The following SCAP variants were observed in gnomAD, a reference collection of about 807,000 sequenced individuals.
SCAP encodes SREBF chaperone, also known as sterol regulatory element-binding protein cleavage-activating protein.
A neutral mutation model predicts 123.6 loss-of-function variants in SCAP; 65 were observed. The observed-to-expected ratio is 0.53, with a 90% CI of 0.43 to 0.65. The LOEUF (loss-of-function observed/expected upper bound fraction) is 0.65. Ranked by LOEUF, SCAP falls within the 30% of genes least tolerant of loss-of-function variation. The pLI is 0.00. For missense variants in SCAP, 1,398 were observed against 1,712.5 expected (o/e 0.82, Z 3.24); for synonymous variants, 740 against 726.3 (o/e 1.02, Z -0.30).
chr3:47,474,492 AT>A (rs2108045298), intron 1 of SCAP, among the ~76,000 whole-genome samples: 1 of 152,030 alleles, frequency 6.6e-6, no homozygotes, highest in South Asian at 2.1e-4. Flanking sequence ...ATTAACACAC[AT>A]TTTAAAAGAT....
chr3:47,432,172 C>T (rs1232560804), intron 3 of SCAP, among the ~76,000 whole-genome samples: 1 of 151,862 alleles, frequency 6.6e-6, no homozygotes, highest in African/African-American at 2.4e-5. Context: ...AAAAAATTAG[C>T]CAGGCGTGGT....
rs772712801 is a variant in SCAP at position 47,414,863 on chromosome 3, C to T, written c.3270G>A (p.Gly1090=). Residue 1090 remains glycine (G), a synonymous_variant, in exon 20 of 23, where the codon GGG becomes GGA. Transcript: ENST00000265565. ...KPITALKAAA[G]RLVTGSQDHT... ...GGTCTTGGCTCCCAGTCACCAAGCG[C>T]CCAGCAGCGGCTTTCAGGGCTGTGA... 6.2e-7 allele frequency: 1 copy of T among 1,611,252 alleles called. No homozygotes were observed. The highest frequency in any genetic ancestry group is 1.1e-5 in the South Asian group (1 of 90,806).
chr3:47,418,296 A>G, intron 15 of SCAP, 25 bp downstream of exon 15: 2 of 1,552,306 alleles, frequency 1.3e-6, no homozygotes, highest in Non-Finnish European at 1.7e-6. Context: ...GCCCTCCCCT[A>G]CCCGGCCACT....
At chr3:47,438,912 G>GT (rs1234293957) in intron 2 of SCAP, among the ~76,000 whole-genome samples, 3 of 152,040 alleles carry the variant, frequency 2.0e-5, no homozygotes, top group Non-Finnish European at 4.4e-5. Flanking sequence ...GACTATACAT[G>GT]TTTTTGGATT....
At chr3:47,454,338 C>G (rs1042519230) in intron 1 of SCAP, among the ~76,000 whole-genome samples, 6 of 150,934 alleles carry the variant, frequency 4.0e-5, no homozygotes, top group Admixed American at 1.3e-4. Context: ...ACTGCACTCC[C>G]ATCTGGGCGA....
Position 47,418,796 on chromosome 3 carries a change from G to C in SCAP, c.1988C>G (p.Pro663Arg), listed in dbSNP as rs778749312. The change falls in exon 14 of 23, where the codon CCG becomes CGG. Residue 663 changes from proline (P) to arginine (R), a missense_variant. By Grantham distance (103) the Pro-to-Arg change is moderately radical. This residue lies in a region of SCAP where 828 missense variants were observed against 882.5 expected (regional missense o/e 0.94). Coordinates refer to ENST00000265565, the MANE Select transcript of SCAP (RefSeq NM_012235.4). The stretch of plus-strand genomic sequence containing the variant: ...GTGCCGGCCCTCCAGAGCCTCCCTC[G>C]GGTTCAGGCGGAGCGTGACTGGGAT... ...PVIPVTLRLNPREALEGRHPQ... is the reference protein window; with the variant it reads ...PVIPVTLRLNRREALEGRHPQ... 5 of 1,553,118 alleles carry C rather than the reference G, an allele frequency of 3.2e-6. No homozygotes were observed. Among genetic ancestry groups the C allele is most frequent in the Non-Finnish European group, 4.3e-6 (5 of 1,154,056 alleles).
rs531606363 is a variant in SCAP at position 47,417,577 on chromosome 3, C to T, written c.2697G>A (p.Ala899=). The change falls in exon 17 of 23, where the codon GCG becomes GCA. Residue 899 remains alanine, a synonymous_variant. Coordinates refer to ENST00000265565, the MANE Select transcript of SCAP (RefSeq NM_012235.4). ...GGGAGTCCCGAGAGCGGCCACAGAC[C>T]GCCCGGTGCCGGGGCTCGGGCTGAG... ...QPTQPEPRHR[A]VCGRSRDSPG... is the part of the protein sequence containing the mutation. 6.2e-5 allele frequency: 98 copies of T among 1,590,510 alleles called. No homozygotes were observed. The highest frequency in any genetic ancestry group is 3.6e-4 in the East Asian group (16 of 43,970).
intron 3 of SCAP, among the ~76,000 whole-genome samples, chr3:47,434,081 T>C (rs1239535687): frequency 1.3e-5 from 2 of 152,178 alleles, no homozygotes; most frequent in African/African-American, 2.4e-5. Flanking sequence ...ACTGACACCA[T>C]GTATAGTTGT....
At chr3:47,467,026 G>A (rs1453540892) in intron 1 of SCAP, among the ~76,000 whole-genome samples, 1 of 151,818 alleles carries the variant, frequency 6.6e-6, no homozygotes, top group African/African-American at 2.4e-5. Context: ...CCAGGAAGTG[G>A]AGGCTGCAAT....
rs1576268465 is a variant in SCAP at position 47,427,474 on chromosome 3, T to C, written c.604A>G (p.Thr202Ala). The change falls in exon 5 of 23, where the codon ACC becomes GCC. Residue 202 changes from threonine (T) to alanine (A), a missense_variant. Around this residue, in one of 7 missense-constraint regions of SCAP, gnomAD observed 319 missense variants for 432.4 expected, o/e 0.74. Transcript: ENST00000265565. ...IGTIHQHEPK[T>A]LQTSATLKDL... Reference sequence around the variant, plus strand: ...TTGAGTGTGGCTGAAGTCTGCAGGGTTTTAGGCTCGTGCTGGTGGATGGTC... The same window carrying C: ...TTGAGTGTGGCTGAAGTCTGCAGGGCTTTAGGCTCGTGCTGGTGGATGGTC... 2 of 1,614,080 alleles carry C rather than the reference T, an allele frequency of 1.2e-6. No individual in the cohort carries two copies. Among genetic ancestry groups the C allele is most frequent in the Non-Finnish European group, 1.7e-6 (2 of 1,180,014 alleles).
At position 47,427,217 on chromosome 3, in the gene SCAP, T is replaced by C; in HGVS notation, c.677A>G (p.Tyr226Cys). 2 of 1,613,942 alleles carry C rather than the reference T, an allele frequency of 1.2e-6. No homozygotes were observed. The highest frequency in any genetic ancestry group is 1.7e-4 in the Middle Eastern group (1 of 6,058). Residue 226 changes from tyrosine (Y) to cysteine (C), a missense_variant, in exon 6 of 23, where the codon TAC (tyrosine) becomes TGC (cysteine). This residue lies in a region of SCAP where 319 missense variants were observed against 432.4 expected (regional missense o/e 0.74). Coordinates refer to ENST00000265565, the MANE Select transcript of SCAP (RefSeq NM_012235.4). ...VPGKYSGVSL[Y>C]TRKRMVSYTI... ...GTAGGAGACCATCCTCTTCCTGGTG[T>C]AGAGGCTCACCCCGCTGTACTTCCC...
At chr3:47,464,523 T>A (rs1355749623) in intron 1 of SCAP, among the ~76,000 whole-genome samples, 1 of 152,142 alleles carries the variant, frequency 6.6e-6, no homozygotes, top group Non-Finnish European at 1.5e-5. Flanking sequence ...TCATCCCAAC[T>A]GATGCAGAAA....
intron 1 of SCAP, among the ~76,000 whole-genome samples, chr3:47,461,096 C>A (rs1707623457): frequency 6.6e-6 from 1 of 152,162 alleles, no homozygotes; most frequent in Non-Finnish European, 1.5e-5. Context: ...TCCATGCCCA[C>A]CAGCTTCTAA....
Position 47,420,697 on chromosome 3 carries a change from A to G in SCAP, c.1420T>C (p.Tyr474His). 6.2e-7 allele frequency: 1 copy of G among 1,611,742 alleles called. No homozygotes were observed. Among genetic ancestry groups the G allele is most frequent in the South Asian group, 1.1e-5 (1 of 90,986 alleles). Residue 474 changes from tyrosine (Y) to histidine (H), a missense_variant, in exon 12 of 23, where the codon TAC (tyrosine) becomes CAC (histidine). Around this residue, in one of 7 missense-constraint regions of SCAP, gnomAD observed 828 missense variants for 882.5 expected, o/e 0.94. Coordinates refer to ENST00000265565, the MANE Select transcript of SCAP (RefSeq NM_012235.4). This position sits in a 1 kb window ranked among gnomAD's most constrained non-coding sequence, Gnocchi z 5.0. ...GGCCTCACAGCCAGCTGCCGCTCGTAGCGCGTTGGCTGTCCCACTGGCTTG... is the reference window on the plus strand; with the variant it reads ...GGCCTCACAGCCAGCTGCCGCTCGTGGCGCGTTGGCTGTCCCACTGGCTTG... Reference protein sequence around the residue: ...SAKPVGQPTRYERQLAVRPST... With the variant: ...SAKPVGQPTRHERQLAVRPST...
In SCAP at chr3:47,443,020, T is replaced by C; in HGVS notation, c.-27A>G. On this transcript the variant is annotated 5_prime_UTR_variant, in exon 2 of 23. The change abolishes an upstream ATG in the 5' untranslated region. Coordinates refer to ENST00000265565, the MANE Select transcript of SCAP (RefSeq NM_012235.4). ...CTCAGCCGAAGTCACCTTGCTGCCA[T>C]CCCGGAAAGTGACCATGGATCACCC... is the stretch of plus-strand genomic sequence containing the variant. The C allele has an allele frequency of 6.2e-7, 1 of 1,612,656 alleles. No individual in the cohort carries two copies. The highest frequency in any genetic ancestry group is 2.2e-5 in the East Asian group (1 of 44,868).
chr3:47,457,476 C>T (rs996978844), intron 1 of SCAP, among the ~76,000 whole-genome samples: 4 of 152,180 alleles, frequency 2.6e-5, no homozygotes, highest in African/African-American at 9.7e-5. Context: ...GAGCACCCAG[C>T]ACCTCACCTG....
intron 3 of SCAP, 44 bp from the exon 4 acceptor site, chr3:47,428,714 G>A (rs1706242815): frequency 6.2e-7 from 1 of 1,603,544 alleles, no homozygotes; most frequent in East Asian, 2.2e-5. Context: ...GCTGAGCACA[G>A]GAAGAAGAAA....
intron 10 of SCAP, chr3:47,421,304 G>C: frequency 2.4e-6 from 1 of 411,748 alleles, no homozygotes; most frequent in East Asian, 5.0e-5. Flanking sequence ...CCCTCTAGAG[G>C]GGACTGAAGG....
Position 47,414,354 on chromosome 3 carries a change from C to T in SCAP, c.3420G>A (p.Gly1140=), listed in dbSNP as rs774515832. Residue 1140 remains glycine (G), a synonymous_variant, in exon 22 of 23, where the codon GGG becomes GGA. Coordinates refer to ENST00000265565, the MANE Select transcript of SCAP (RefSeq NM_012235.4). The part of the protein sequence containing the change: ...TMVLASGGQD[G]AICLWDVLTG... ...TCAGTACATCCCACAGGCAGATGGC[C>T]CCATCTTGTCCTCCACTGGCCAGCA... 5 of 1,612,846 alleles carry T rather than the reference C, an allele frequency of 3.1e-6. No homozygotes were observed. In the Admixed American group the frequency reaches 8.3e-5, roughly 27 times the overall value.
Sources: allele counts gnomAD v4.1 joint callset (sites outside exome capture counted in the v4.1 genomes callset), GRCh38; gene constraint gnomAD v4.1.1; regional missense constraint gnomAD v4.1.1; non-coding constraint Gnocchi (gnomAD v3.1); transcripts MANE v1.5; gene names NCBI Gene and HGNC (gene_info 2026-07-23, HGNC 2026-07-21).